SLC20A2: variants seen among roughly 807,000 people sequenced by gnomAD.
The protein encoded by SLC20A2 is sodium-dependent phosphate transporter 2.
Under a neutral mutation model 61.0 loss-of-function variants are expected in SLC20A2, and 30 were observed. The observed-to-expected ratio is 0.49, with a 90% CI of 0.37 to 0.67. The LOEUF is 0.67. Ranked by LOEUF, SLC20A2 falls within the 30% of genes least tolerant of loss-of-function variation. SLC20A2 has a pLI of 0.00. For synonymous variants in SLC20A2, 351 were observed against 353.3 expected (o/e 0.99, Z 0.07); for missense variants, 626 against 866.4 (o/e 0.72, Z 3.48).
intron 1 of SLC20A2, among the ~76,000 whole-genome samples, chr8:42,538,493 C>G (rs1812851543): frequency 6.6e-6 from 1 of 151,560 alleles, no homozygotes; most frequent in Non-Finnish European, 1.5e-5. Context: ...GAAAGTCAGG[C>G]TGGAGTGGCC....
At chr8:42,438,076 A>C (rs536738577) in intron 7 of SLC20A2, among the ~76,000 whole-genome samples, 3,160 of 143,350 alleles carry the variant, frequency 0.022, 98 homozygotes, top group African/African-American at 0.048. Context: ...AAAAAAAAAA[A>C]AAAAAAAAAA....
chr8:42,476,903 T>A (rs1808157080), intron 1 of SLC20A2, among the ~76,000 whole-genome samples: 1 of 152,234 alleles, frequency 6.6e-6, no homozygotes. Context: ...AGCTCCTGGC[T>A]ATGCAACCCT....
chr8:42,457,856 A>C (rs1040019748), intron 5 of SLC20A2, among the ~76,000 whole-genome samples: 1 of 152,218 alleles, frequency 6.6e-6, no homozygotes, highest in African/African-American at 2.4e-5. Context: ...ATATAATGTT[A>C]GAATCATTTA....
At chr8:42,449,437 T>C (rs942410695) in intron 5 of SLC20A2, among the ~76,000 whole-genome samples, 3 of 152,220 alleles carry the variant, frequency 2.0e-5, no homozygotes, top group African/African-American at 7.2e-5. Context: ...ATTCAAGCCA[T>C]TTAGGGAGAA....
At chr8:42,506,215 T>C (rs956299164), upstream of SLC20A2, among the ~76,000 whole-genome samples, 2 of 152,186 alleles carry the variant, frequency 1.3e-5, no homozygotes, top group South Asian at 2.1e-4. Context: ...ACTGGGATAA[T>C]AGGTGTGAAC....
intron 10 of SLC20A2, among the ~76,000 whole-genome samples, chr8:42,427,881 C>T (rs770626503): frequency 1.4e-4 from 21 of 152,186 alleles, no homozygotes; most frequent in Non-Finnish European, 2.4e-4. Flanking sequence ...GAGAGCTCTG[C>T]TCCCAAGCAG....
chr8:42,539,924 C>T (rs1462416368), intron 1 of SLC20A2, among the ~76,000 whole-genome samples: 1 of 152,196 alleles, frequency 6.6e-6, no homozygotes, highest in Non-Finnish European at 1.5e-5. Flanking sequence ...ACTTGAAAAA[C>T]ACATTAATTT....
intron 5 of SLC20A2, among the ~76,000 whole-genome samples, chr8:42,448,156 C>T (rs1437007689): frequency 2.0e-5 from 3 of 152,348 alleles, no homozygotes; most frequent in Non-Finnish European, 2.9e-5. Flanking sequence ...ACCGATCCCA[C>T]GCATGGCTTC....
chr8:42,443,221 G>C (rs1211448747), intron 6 of SLC20A2, among the ~76,000 whole-genome samples: 1 of 127,176 alleles, frequency 7.9e-6, no homozygotes, highest in Admixed American at 8.7e-5. Context: ...TTATACCACA[G>C]TATAATTATT....
At chr8:42,532,511 T>C (rs1278038989) in intron 1 of SLC20A2, among the ~76,000 whole-genome samples, 6 of 152,232 alleles carry the variant, frequency 3.9e-5, no homozygotes, top group East Asian at 3.9e-4. Flanking sequence ...ATCTAATTCT[T>C]AGAAACAGAA....
intron 1 of SLC20A2, among the ~76,000 whole-genome samples, chr8:42,495,263 C>T (rs2131328540): frequency 6.6e-6 from 1 of 152,282 alleles, no homozygotes; most frequent in Non-Finnish European, 1.5e-5. Flanking sequence ...TTTAGTAATT[C>T]CTCTTTGTAC....
chr8:42,486,887 GAC>G (rs902303274), intron 1 of SLC20A2, among the ~76,000 whole-genome samples: 5 of 151,866 alleles, frequency 3.3e-5, no homozygotes, highest in African/African-American at 7.3e-5. Context: ...TTTTTTTTGA[GAC>G]AGAGTCTCGC....
Position 42,511,206 on chromosome 8 carries a change from C to T in SLC20A2, c.-265+30615G>A, listed in dbSNP as rs148660732. ...GAGGCACTTGAAGGGCAGATGCCCA[C>T]GTGTGTGGTGGAAGACAATACTTGA... On this transcript the variant is annotated intron_variant, in intron 1 of 10. Coordinates refer to the SLC20A2 transcript ENST00000342228. Among the ~76,000 whole-genome samples, 631 of 152,208 alleles carry T rather than the reference C, an allele frequency of 4.1e-3. 6 individuals are homozygous for T. The highest frequency in any genetic ancestry group is 0.014 in the African/African-American group (599 of 41,538).
At chr8:42,495,023 A>AT (rs35040110) in intron 1 of SLC20A2, among the ~76,000 whole-genome samples, 2,512 of 139,780 alleles carry the variant, frequency 0.018, 30 homozygotes, top group African/African-American at 0.038. Flanking sequence ...ATTTTTTTGT[A>AT]TTTTTTTTTT....
intron 5 of SLC20A2, among the ~76,000 whole-genome samples, chr8:42,453,451 T>C (rs1309969690): frequency 6.6e-6 from 1 of 151,982 alleles, no homozygotes; most frequent in African/African-American, 2.4e-5. Flanking sequence ...TAAGAAATAA[T>C]CAACTTCACA....
At chr8:42,495,352 A>G (rs1002609656) in intron 1 of SLC20A2, among the ~76,000 whole-genome samples, 10 of 152,184 alleles carry the variant, frequency 6.6e-5, no homozygotes, top group Non-Finnish European at 1.5e-4. Flanking sequence ...TACTGGCTGT[A>G]TATTTATTGG....
At chr8:42,481,579 T>G (rs544489526) in intron 1 of SLC20A2, among the ~76,000 whole-genome samples, 22 of 152,178 alleles carry the variant, frequency 1.4e-4, no homozygotes, top group African/African-American at 5.3e-4. Context: ...CCCTTCAAAA[T>G]TGTCAAGATC....
intron 10 of SLC20A2, among the ~76,000 whole-genome samples, chr8:42,427,476 C>G (rs1466250685): frequency 6.6e-6 from 1 of 152,184 alleles, no homozygotes; most frequent in Non-Finnish European, 1.5e-5. Flanking sequence ...GTTCCGCCCC[C>G]ACAGGCTTGC....
At chr8:42,512,500 G>A (rs1315891833) in intron 1 of SLC20A2, among the ~76,000 whole-genome samples, 1 of 151,884 alleles carries the variant, frequency 6.6e-6, no homozygotes, top group Non-Finnish European at 1.5e-5. Flanking sequence ...ACAGGCGTGC[G>A]CTATCACACC....
Sources: allele counts gnomAD v4.1 joint callset (sites outside exome capture counted in the v4.1 genomes callset), GRCh38; gene constraint gnomAD v4.1.1; transcripts MANE v1.5; gene names NCBI Gene and HGNC (gene_info 2026-07-23, HGNC 2026-07-21).